Variants in DMD observed in about 807,000 individuals in gnomAD.
DMD encodes dystrophin.
In DMD, 63 loss-of-function variants were observed where a neutral mutation model predicts 330.1. The observed-to-expected ratio is 0.19, with a 90% CI of 0.16 to 0.24. The LOEUF is 0.24. Among genes scored for constraint, DMD ranks in the 10% least tolerant of loss-of-function variants. The pLI is 1.00. For synonymous variants in DMD, 1,223 were observed against 959.8 expected, an observed-to-expected ratio of 1.27 and a Z score of -5.07; for missense variants, 3,344 against 2,684.1, an observed-to-expected ratio of 1.25 and a Z score of -5.43.
chrX:31,745,351 G>A (rs1310753703), intron 51 of DMD, among the ~76,000 whole-genome samples: 1 of 111,316 alleles, frequency 9.0e-6, no homozygotes, highest in African/African-American at 3.3e-5. Context: ...AACACTAGAT[G>A]CCCAAATAAG....
chrX:32,637,829 C>A (rs2059201073), intron 11 of DMD, among the ~76,000 whole-genome samples: 1 of 111,715 alleles, frequency 9.0e-6, no homozygotes, highest in Non-Finnish European at 1.9e-5. Flanking sequence ...AATTACCTTC[C>A]ACCAGGTCCC....
intron 13 of DMD, among the ~76,000 whole-genome samples, chrX:32,574,234 G>C (rs1047527849): frequency 8.9e-6 from 1 of 111,951 alleles, no homozygotes; most frequent in Non-Finnish European, 1.9e-5. Context: ...CTACTAAATA[G>C]AATGCCTCAA....
At chrX:33,236,400 G>A (rs1458436299) in intron 1 of DMD, among the ~76,000 whole-genome samples, 1 of 108,709 alleles carries the variant, frequency 9.2e-6, no homozygotes, top group African/African-American at 3.4e-5. Flanking sequence ...AAGTAGCTGG[G>A]ATTACAGGCA....
At chrX:31,904,546 C>A (rs920521719) in intron 47 of DMD, among the ~76,000 whole-genome samples, 1 of 111,743 alleles carries the variant, frequency 8.9e-6, no homozygotes, top group Non-Finnish European at 1.9e-5. Context: ...TCTCTTTCCC[C>A]CCTCCCCCAC....
intron 2 of DMD, among the ~76,000 whole-genome samples, chrX:32,882,492 G>C (rs922676976): frequency 8.9e-6 from 1 of 112,194 alleles, no homozygotes; most frequent in Non-Finnish European, 1.9e-5. Context: ...TGTTGGGTCT[G>C]TGTTTAATGG....
At chrX:31,681,099 T>C (rs1031945226) in intron 52 of DMD, among the ~76,000 whole-genome samples, 1 of 111,424 alleles carries the variant, frequency 9.0e-6, no homozygotes, top group Non-Finnish European at 1.9e-5. Flanking sequence ...TATATCATCC[T>C]CCCAGACCCA....
intron 1 of DMD, among the ~76,000 whole-genome samples, chrX:33,075,256 C>T (rs2094821903): frequency 8.9e-6 from 1 of 111,922 alleles, no homozygotes; most frequent in African/African-American, 3.3e-5. Flanking sequence ...GACCCTTGCC[C>T]ACAGTCCTAT....
intron 7 of DMD, among the ~76,000 whole-genome samples, chrX:32,738,419 T>A (rs2068802182): frequency 8.9e-6 from 1 of 111,789 alleles, no homozygotes; most frequent in African/African-American, 3.2e-5. Context: ...GGTAAATTCC[T>A]TTCTCTCCTC....
At chrX:32,223,096 T>G (rs1473931843) in intron 43 of DMD, among the ~76,000 whole-genome samples, 1 of 111,953 alleles carries the variant, frequency 8.9e-6, no homozygotes, top group Non-Finnish European at 1.9e-5. Flanking sequence ...ACTGTATGAT[T>G]GTCTTAGTCT....
At chrX:32,919,953 A>G (rs190183781) in intron 2 of DMD, among the ~76,000 whole-genome samples, 137 of 111,941 alleles carry the variant, frequency 1.2e-3, no homozygotes, top group African/African-American at 3.8e-3. Context: ...CTTTGCAAAC[A>G]TAACTGGTGA....
intron 55 of DMD, among the ~76,000 whole-genome samples, chrX:31,549,047 T>A (rs2074322957): frequency 9.0e-6 from 1 of 111,448 alleles, no homozygotes; most frequent in Admixed American, 9.6e-5. Flanking sequence ...TCTGGTAACA[T>A]TTTTAGTATC....
chrX:33,004,823 A>T (rs1030470119), intron 2 of DMD, among the ~76,000 whole-genome samples: 45 of 111,099 alleles, frequency 4.1e-4, no homozygotes, highest in African/African-American at 1.4e-3. Flanking sequence ...AAACATAGGT[A>T]CTGAAATTTC....
Position 33,193,225 on chromosome X carries a change from T to C in DMD, c.31+18057A>G, listed in dbSNP as rs753048552. 3.6e-5 allele frequency among the ~76,000 whole-genome samples: 4 copies of C among 111,554 alleles called. No homozygotes were observed. In the South Asian group the frequency reaches 1.5e-3, roughly 42 times the overall value. ...AGGAGGCTGAGACAGGAGAATCGCT[T>C]GAACTCAGGAGGTGAAGGTTGCAGT... is the stretch of plus-strand genomic sequence containing the variant. On this transcript the variant is annotated intron_variant, in intron 1 of 78. Transcript: ENST00000357033.
chrX:32,089,390 C>A (rs1296314388), intron 44 of DMD, among the ~76,000 whole-genome samples: 1 of 111,671 alleles, frequency 9.0e-6, no homozygotes, highest in East Asian at 2.8e-4. Flanking sequence ...CACGCAGGTA[C>A]TAAACATAGT....
chrX:32,219,952 TACAAG>T (rs2097126639), intron 43 of DMD, among the ~76,000 whole-genome samples: 3 of 12,914 alleles, frequency 2.3e-4, no homozygotes, highest in Non-Finnish European at 6.8e-4. Context: ...ACAAGTTATC[TACAAG>T]TTTCTACAAG....
chrX:32,555,609 G>T (rs1286251007), intron 16 of DMD, among the ~76,000 whole-genome samples: 3 of 111,566 alleles, frequency 2.7e-5, no homozygotes, highest in Non-Finnish European at 5.7e-5. Context: ...CAGAAAAGCA[G>T]GGTACTGGTA....
intron 47 of DMD, among the ~76,000 whole-genome samples, chrX:31,910,048 G>A (rs1569509273): frequency 8.9e-6 from 1 of 112,368 alleles, no homozygotes; most frequent in Non-Finnish European, 1.9e-5. Flanking sequence ...TGCCTTCGTT[G>A]GCAAATGAAG....
chrX:32,473,038 C>T (rs1019601079), intron 21 of DMD, among the ~76,000 whole-genome samples: 2 of 110,283 alleles, frequency 1.8e-5, no homozygotes, highest in Non-Finnish European at 3.8e-5. Flanking sequence ...CAAGTTTATA[C>T]GTTTTAAAGT....
intron 10 of DMD, 61 bp downstream of exon 10, chrX:32,644,903 G>A: frequency 1.7e-6 from 2 of 1,150,165 alleles, no homozygotes; most frequent in South Asian, 1.8e-5. Flanking sequence ...TGAGGAAAAA[G>A]GATGACTTGC....
Sources: gnomAD v4.1 joint callset for allele counts (sites outside exome capture counted in the v4.1 genomes callset) on GRCh38, gnomAD v4.1.1 for gene constraint, MANE v1.5 for transcripts, NCBI Gene and HGNC (gene_info 2026-07-23, HGNC 2026-07-21) for gene names.